Variants in TAFA5 observed in about 807,000 individuals in gnomAD.
TAFA5 encodes chemokine-like protein TAFA-5.
Under a neutral mutation model 15.3 loss-of-function variants are expected in TAFA5, and 6 were observed. The ratio of observed to expected loss-of-function variants is 0.39; its 90% confidence interval spans 0.21 to 0.77. TAFA5 has a LOEUF of 0.77. Among genes scored for constraint, TAFA5 ranks in the 30% least tolerant of loss-of-function variants. TAFA5 has a pLI of 0.41. For missense variants in TAFA5, 161 were observed against 193.1 expected (o/e 0.83, Z 0.98); for synonymous variants, 103 against 80.7 (o/e 1.28, Z -1.48).
At chr22:48,522,118 T>C (rs1921621906) in intron 1 of TAFA5, among the ~76,000 whole-genome samples, 1 of 146,850 alleles carries the variant, frequency 6.8e-6, no homozygotes, top group Admixed American at 7.0e-5. Context: ...GCAAGGACGT[T>C]GTTTTGTTTT....
intron 3 of TAFA5, among the ~76,000 whole-genome samples, chr22:48,728,899 G>C (rs1005521711): frequency 3.3e-5 from 5 of 152,168 alleles, no homozygotes; most frequent in African/African-American, 1.2e-4. Flanking sequence ...GAGCTGAAAG[G>C]AGGAAGCAGA....
intron 1 of TAFA5, among the ~76,000 whole-genome samples, chr22:48,575,822 G>T (rs1335811476): frequency 2.1e-5 from 3 of 143,036 alleles, no homozygotes; most frequent in Non-Finnish European, 3.1e-5. Context: ...GCGATGGTGC[G>T]GCAGCCCCGC....
chr22:48,608,037 C>G, intron 1 of TAFA5, among the ~76,000 whole-genome samples: 1 of 118,206 alleles, frequency 8.5e-6, no homozygotes, highest in East Asian at 2.2e-4. Context: ...CACGACAGCT[C>G]AGGGCTTGGG....
chr22:48,545,141 GTA>G, intron 1 of TAFA5: 1 of 343,250 alleles, frequency 2.9e-6, no homozygotes, highest in Non-Finnish European at 5.8e-6. Context: ...AAAGTGGACT[GTA>G]TTTGTGGGAG....
chr22:48,583,331 C>T (rs1233944145), intron 1 of TAFA5, among the ~76,000 whole-genome samples: 2 of 145,828 alleles, frequency 1.4e-5, no homozygotes, highest in African/African-American at 2.6e-5. Context: ...ACACAAAATA[C>T]GCACACCAGT....
At chr22:48,551,918 TAGCCTCTG>T (rs1922870265) in intron 1 of TAFA5, among the ~76,000 whole-genome samples, 1 of 152,170 alleles carries the variant, frequency 6.6e-6, no homozygotes, top group African/African-American at 2.4e-5. Flanking sequence ...ATCAAATGAA[TAGCCTCTG>T]AGCCCCTGGT....
intron 1 of TAFA5, among the ~76,000 whole-genome samples, chr22:48,583,487 C>T (rs1569034937): frequency 6.9e-6 from 1 of 145,142 alleles, no homozygotes; most frequent in Non-Finnish European, 1.5e-5. Context: ...ATACAAAATA[C>T]ACCACACACC....
chr22:48,603,524 C>T (rs1485587723), intron 1 of TAFA5, among the ~76,000 whole-genome samples: 1 of 152,190 alleles, frequency 6.6e-6, no homozygotes, highest in African/African-American at 2.4e-5. Flanking sequence ...CAAGAGGAGC[C>T]ACTACAGGGC....
At chr22:48,599,777 G>A (rs369808929) in intron 1 of TAFA5, among the ~76,000 whole-genome samples, 6 of 152,250 alleles carry the variant, frequency 3.9e-5, no homozygotes, top group Non-Finnish European at 7.3e-5. Flanking sequence ...GTTTGAGGCA[G>A]ATCATTCTTC....
At chr22:48,574,290 G>A (rs1923683643) in intron 1 of TAFA5, among the ~76,000 whole-genome samples, 1 of 152,132 alleles carries the variant, frequency 6.6e-6, no homozygotes, top group South Asian at 2.1e-4. Flanking sequence ...ATGTTTTCGG[G>A]GGCAGGTGGA....
chr22:48,656,222 C>T (rs1301836878), intron 2 of TAFA5, among the ~76,000 whole-genome samples: 1 of 152,104 alleles, frequency 6.6e-6, no homozygotes, highest in Non-Finnish European at 1.5e-5. Context: ...AACTGGCTTG[C>T]ACCAGATTGC....
At chr22:48,664,472 C>G (rs1927547085) in intron 2 of TAFA5, among the ~76,000 whole-genome samples, 1 of 152,164 alleles carries the variant, frequency 6.6e-6, no homozygotes, top group African/African-American at 2.4e-5. Context: ...ATTGCTTGAT[C>G]TTAAATTGGG....
chr22:48,528,821 G>A (rs133481), intron 1 of TAFA5, among the ~76,000 whole-genome samples: 35,151 of 152,162 alleles, frequency 0.23, 4,611 homozygotes, highest in Middle Eastern at 0.3. Flanking sequence ...GGAGAAGCTG[G>A]GGGTCTGTGG....
In TAFA5 at chr22:48,681,181, G is replaced by C. The variant is rs1264993369; in HGVS notation, c.263-26536G>C. ...AGCACATCATGCTCAGAGTTGTAGG[G>C]AGAGGCAGCCCCTGCCCATCGCAGC... On this transcript the variant is annotated intron_variant, in intron 2 of 3. Transcript: ENST00000402357. 2.0e-5 allele frequency among the ~76,000 whole-genome samples: 3 copies of C among 152,196 alleles called. No individual in the cohort carries two copies. In the East Asian group the frequency reaches 5.8e-4, roughly 29 times the overall value.
At chr22:48,643,426 G>A (rs763388166) in intron 1 of TAFA5, among the ~76,000 whole-genome samples, 7 of 152,198 alleles carry the variant, frequency 4.6e-5, no homozygotes, top group East Asian at 1.9e-4. Flanking sequence ...TCGGTTGGCC[G>A]TGGCTGGTTT....
At chr22:48,653,507 G>A (rs58721498) in intron 2 of TAFA5, among the ~76,000 whole-genome samples, 5,783 of 152,306 alleles carry the variant, frequency 0.038, 189 homozygotes, top group East Asian at 0.13. Flanking sequence ...CTGACTGCCC[G>A]GCCCGACCCA....
intron 1 of TAFA5, among the ~76,000 whole-genome samples, chr22:48,504,533 G>C (rs897975812): frequency 2.0e-5 from 3 of 152,166 alleles, no homozygotes; most frequent in African/African-American, 7.2e-5. Context: ...GCACCTTGCT[G>C]GGGGACGTTT....
intron 1 of TAFA5, among the ~76,000 whole-genome samples, chr22:48,542,592 GGTGTGT>G (rs1371425773): frequency 3.2e-5 from 4 of 126,686 alleles, no homozygotes; most frequent in Non-Finnish European, 3.3e-5. Context: ...GCGGGTGTGT[GGTGTGT>G]ATGTGTGTGT....
In TAFA5 at chr22:48,741,822, C is replaced by G. The variant is rs955500254; in HGVS notation, c.391-8017C>G. On this transcript the variant is annotated intron_variant, in intron 3 of 3. Coordinates refer to ENST00000402357, the MANE Select transcript of TAFA5 (RefSeq NM_001082967.3). ...GTTCAAGCCATCCAGTCTGGGGTAC[C>G]TGGTTACAGCAGCTCCAGCAATAAC... 3.9e-5 allele frequency among the ~76,000 whole-genome samples: 6 copies of G among 152,306 alleles called. No homozygotes were observed. In the South Asian group the frequency reaches 1.2e-3, roughly 32 times the overall value.
Sources: allele counts gnomAD v4.1 joint callset (sites outside exome capture counted in the v4.1 genomes callset), GRCh38; gene constraint gnomAD v4.1.1; transcripts MANE v1.5; gene names NCBI Gene and HGNC (gene_info 2026-07-23, HGNC 2026-07-21).